The following INSIG2 variants were observed in gnomAD, a reference collection of about 807,000 sequenced individuals.
INSIG2 encodes insulin-induced gene 2 protein.
Under a neutral mutation model 27.2 loss-of-function variants are expected in INSIG2, and 10 were observed. That is an observed-to-expected ratio of 0.37 (90% CI 0.23 to 0.62). The LOEUF is 0.62. Ranked by LOEUF, INSIG2 falls within the 20% of genes least tolerant of loss-of-function variation. The pLI is 0.65. For synonymous variants in INSIG2, 97 were observed against 95.8 expected, an observed-to-expected ratio of 1.01 and a Z score of -0.07; for missense variants, 178 against 270.2, an observed-to-expected ratio of 0.66 and a Z score of 2.39.
chr2:118,095,412 A>G (rs1678383052), intron 1 of INSIG2, among the ~76,000 whole-genome samples: 1 of 152,212 alleles, frequency 6.6e-6, no homozygotes, highest in Non-Finnish European at 1.5e-5. Flanking sequence ...GATGTGAACT[A>G]GGTCAAGTGA....
intron 1 of INSIG2, among the ~76,000 whole-genome samples, chr2:118,092,660 T>C (rs1007125819): frequency 6.6e-6 from 1 of 152,180 alleles, no homozygotes; most frequent in Non-Finnish European, 1.5e-5. Context: ...CATAAGCAAA[T>C]TGCTGAATCT....
chr2:118,106,548 C>A, intron 3 of INSIG2, 189 bp from the exon 4 acceptor site: 1 of 518,620 alleles, frequency 1.9e-6, no homozygotes, highest in Non-Finnish European at 3.4e-6. Flanking sequence ...TTTTGTGTAT[C>A]TGGTATTGGG....
rs749057227 is a variant in INSIG2, at chr2:118,107,205, C to G, written c.636+16C>G. On this transcript the variant is annotated intron_variant, in intron 5 of 5. Transcript: ENST00000245787. ...ACTGGCAATGGTAAGCTGATGCTCA[C>G]TTTTCTGAATAAGATGTGGAACAAA... 12 of 1,542,774 alleles carry G rather than the reference C, an allele frequency of 7.8e-6. No homozygotes were observed. The highest frequency in any genetic ancestry group is 3.4e-5 in the South Asian group (3 of 89,056).
In INSIG2 at chr2:118,092,945, A is replaced by G. The variant is rs962954012; in HGVS notation, c.-138-3474A>G. ...TAAAAGCAACCAGATTATGATGATG[A>G]TGAGGAGGAGGAGGAGGAGGAGAGT... is the stretch of plus-strand genomic sequence containing the variant. On this transcript the variant is annotated intron_variant, in intron 1 of 5. Coordinates refer to ENST00000245787, the MANE Select transcript of INSIG2 (RefSeq NM_016133.4). Among the ~76,000 whole-genome samples the G allele has an allele frequency of 5.4e-5, 8 of 147,232 alleles. No homozygotes were observed. The South Asian group carries it at 1.3e-3, about 24-fold the overall frequency.
chr2:118,099,639 T>C (rs1276991550), intron 2 of INSIG2, among the ~76,000 whole-genome samples: 1 of 152,182 alleles, frequency 6.6e-6, no homozygotes, highest in Non-Finnish European at 1.5e-5. Context: ...AGAAGTTGCC[T>C]CAAAAATCAC....
At chr2:118,105,863 T>C (rs1678660084) in intron 3 of INSIG2, among the ~76,000 whole-genome samples, 1 of 152,224 alleles carries the variant, frequency 6.6e-6, no homozygotes, top group East Asian at 1.9e-4. Context: ...GATGTGGCCT[T>C]TGGGACATAG....
chr2:118,100,627 C>T (rs968499154), intron 2 of INSIG2, among the ~76,000 whole-genome samples: 1 of 152,088 alleles, frequency 6.6e-6, no homozygotes, highest in Non-Finnish European at 1.5e-5. Flanking sequence ...ATTCGCCTGC[C>T]TCGGCCTCTC....
intron 3 of INSIG2, 37 bp downstream of exon 3, chr2:118,103,358 A>G (rs1454637454): frequency 1.3e-6 from 2 of 1,570,718 alleles, no homozygotes; most frequent in Admixed American, 3.5e-5. Flanking sequence ...ATAATAACAA[A>G]GTGGCTTCCA....
At chr2:118,095,851 G>A (rs765579364) in intron 1 of INSIG2, among the ~76,000 whole-genome samples, 4 of 152,144 alleles carry the variant, frequency 2.6e-5, no homozygotes, top group Non-Finnish European at 5.9e-5. Context: ...AGGTGTGTGC[G>A]TGGTGGTCTG....
chr2:118,108,987 GA>G lies in INSIG2; in HGVS notation c.*667del, dbSNP rs2104543645. ...TTTTCTGTTTTGACAGGTTTTACTG[GA>G]AGTATATGTGATGAGCAGAAGAGGT... is the stretch of plus-strand genomic sequence containing the variant. On this transcript the variant is annotated 3_prime_UTR_variant, in exon 6 of 6. Coordinates refer to ENST00000245787, the MANE Select transcript of INSIG2 (RefSeq NM_016133.4). 1 of 152,302 alleles carries G rather than the reference GA, an allele frequency of 6.6e-6. No homozygotes were observed. Among genetic ancestry groups the G allele is most frequent in the Admixed American group, 6.5e-5 (1 of 15,304 alleles). The allele number at this position is 152,302 out of a possible 1,614,324, so 9.4% of individuals were successfully genotyped here.
At chr2:118,107,449 T>A (rs1558838112) in intron 5 of INSIG2, among the ~76,000 whole-genome samples, 2 of 152,200 alleles carry the variant, frequency 1.3e-5, no homozygotes, top group South Asian at 4.1e-4. Flanking sequence ...TAGTGGTTTT[T>A]AAAAAACTAA....
At chr2:118,104,824 T>G (rs1040943361) in intron 3 of INSIG2, among the ~76,000 whole-genome samples, 1 of 152,234 alleles carries the variant, frequency 6.6e-6, no homozygotes, top group South Asian at 2.1e-4. Context: ...CTTTGATTTT[T>G]GTTTTTAAGT....
intron 1 of INSIG2, among the ~76,000 whole-genome samples, chr2:118,089,807 C>A (rs538810089): frequency 2.8e-4 from 43 of 152,328 alleles, no homozygotes; most frequent in East Asian, 5.8e-4. Flanking sequence ...GAATAAAATG[C>A]AGTTCAGTAG....
At chr2:118,091,970 G>A (rs958723124) in intron 1 of INSIG2, among the ~76,000 whole-genome samples, 4 of 152,182 alleles carry the variant, frequency 2.6e-5, no homozygotes, top group African/African-American at 7.2e-5. Flanking sequence ...GCAATGCTTA[G>A]AACAGTCTCA....
In INSIG2 at chr2:118,108,479, C is replaced by T. The variant is rs992777555; in HGVS notation, c.*157C>T. ...ATGGATAAATATATATATACACACA[C>T]ACATATTACTGCAATCTGTGATTGC... On this transcript the variant is annotated 3_prime_UTR_variant, in exon 6 of 6. Coordinates refer to ENST00000245787, the MANE Select transcript of INSIG2 (RefSeq NM_016133.4). 30 of 512,110 alleles carry T rather than the reference C, an allele frequency of 5.9e-5. No homozygotes were observed. Among genetic ancestry groups the T allele is most frequent in the Non-Finnish European group, 1.4e-5 (4 of 285,244 alleles). 31.7% of individuals were successfully genotyped at this position (512,110 alleles called of 1,614,324 possible).
chr2:118,096,339 TTAAC>T, intron 1 of INSIG2, 76 bp from the exon 2 acceptor site: 1 of 427,110 alleles, frequency 2.3e-6, no homozygotes, highest in East Asian at 3.7e-5. Flanking sequence ...TCCATTTAAA[TTAAC>T]TAGTATTGAA....
At chr2:118,100,126 A>T (rs1325423660) in intron 2 of INSIG2, among the ~76,000 whole-genome samples, 1 of 151,908 alleles carries the variant, frequency 6.6e-6, no homozygotes, top group South Asian at 2.1e-4. Flanking sequence ...CCAGTTTTCC[A>T]TGAATGTCCT....
intron 1 of INSIG2, among the ~76,000 whole-genome samples, chr2:118,091,051 A>T (rs937314849): frequency 1.1e-4 from 17 of 152,144 alleles, no homozygotes; most frequent in Non-Finnish European, 1.6e-4. Context: ...ATAGATTTTT[A>T]AAAAAAATTT....
intron 3 of INSIG2, 125 bp from the exon 4 acceptor site, chr2:118,106,612 A>G (rs1229268810): frequency 1.4e-6 from 1 of 690,774 alleles, no homozygotes. Flanking sequence ...GTACTAAGAG[A>G]CTGAATGTAC....
Sources: gnomAD v4.1 joint callset for allele counts (sites outside exome capture counted in the v4.1 genomes callset) on GRCh38, gnomAD v4.1.1 for gene constraint, MANE v1.5 for transcripts, NCBI Gene and HGNC (gene_info 2026-07-23, HGNC 2026-07-21) for gene names.